BCR: variants seen among roughly 807,000 people sequenced by gnomAD.
The protein encoded by BCR is breakpoint cluster region protein.
A neutral mutation model predicts 138.6 loss-of-function variants in BCR; 58 were observed. That is an observed-to-expected ratio of 0.42 (90% confidence interval 0.34 to 0.52). The LOEUF is 0.52. Ranked by LOEUF, BCR falls within the 20% of genes least tolerant of loss-of-function variation. The pLI is 0.06. For synonymous variants in BCR, 786 were observed against 730.1 expected (o/e 1.08, Z -1.23); for missense variants, 1,599 against 1,727.2 (o/e 0.93, Z 1.32).
intron 16 of BCR, among the ~76,000 whole-genome samples, chr22:23,295,797 G>A (rs1220388942): frequency 6.6e-6 from 1 of 152,082 alleles, no homozygotes; most frequent in African/African-American, 2.4e-5. Flanking sequence ...ACGCCACCAG[G>A]GTTTCCTGGA....
chr22:23,253,979 C>T lies in BCR; in HGVS notation c.1460C>T (p.Ala487Val), dbSNP rs758892323. 72 of 1,610,484 alleles carry T rather than the reference C, an allele frequency of 4.5e-5. No homozygotes were observed. The highest frequency in any genetic ancestry group is 7.7e-5 in the South Asian group (7 of 90,758). The change falls in exon 2 of 23, where the codon GCG (alanine) becomes GTG (valine). Residue 487 changes from alanine (A) to valine (V), a missense_variant and splice_region_variant. Physicochemically the swap from Ala to Val is moderately conservative, Grantham distance 64. Transcript: ENST00000305877. ...TCGGGAGCCCTGGAGTCCACTAAAG[C>T]GGTGAGTCCCCATGGTGTACGTGTG... Reference protein sequence around the residue: ...LVSGALESTKASELDLEKGLE... With the variant: ...LVSGALESTKVSELDLEKGLE...
intron 1 of BCR, among the ~76,000 whole-genome samples, chr22:23,189,497 T>C (rs1354463798): frequency 6.6e-6 from 1 of 151,856 alleles, no homozygotes. Context: ...TTTTCTTTTT[T>C]TTCTTTCTTT....
At chr22:23,262,917 A>T (rs1354722105) in intron 4 of BCR, 49 of 1,104,854 alleles carry the variant, frequency 4.4e-5, no homozygotes, top group Non-Finnish European at 5.2e-5. Flanking sequence ...GACACGCCCA[A>T]GAGAGGAAGC....
chr22:23,205,748 A>G (rs1262559550), intron 1 of BCR, among the ~76,000 whole-genome samples: 1 of 152,036 alleles, frequency 6.6e-6, no homozygotes, highest in African/African-American at 2.4e-5. Flanking sequence ...GAGAGGCAAA[A>G]TCGATGCTAC....
chr22:23,248,069 C>T (rs1022675853), intron 1 of BCR, among the ~76,000 whole-genome samples: 4 of 152,138 alleles, frequency 2.6e-5, no homozygotes, highest in Non-Finnish European at 4.4e-5. Context: ...AGAGGCTGGG[C>T]GCAGTGGCTC....
chr22:23,317,045 C>T lies in BCR; in HGVS notation c.*1523C>T, dbSNP rs1602141694. The T allele has an allele frequency of 3.0e-5, 5 of 167,554 alleles. No individual in the cohort carries two copies. The East Asian group carries it at 5.2e-4, about 17-fold the overall frequency. The allele number at this position is 167,554 out of a possible 1,614,324, so 10.4% of individuals were successfully genotyped here. On this transcript the variant is annotated 3_prime_UTR_variant, in exon 23 of 23. Transcript: ENST00000305877. ...ACATTTAAGGAAGTGTGTGGGGTCC[C>T]TGGATGACACCAGCACCCAGTGCGG...
At chr22:23,252,290 A>G (rs1488366618) in intron 1 of BCR, among the ~76,000 whole-genome samples, 5 of 152,020 alleles carry the variant, frequency 3.3e-5, no homozygotes, top group African/African-American at 1.2e-4. Context: ...GGTGGACAGA[A>G]CTTGCACCCC....
chr22:23,224,307 G>C (rs1226109607), intron 1 of BCR, among the ~76,000 whole-genome samples: 1 of 152,212 alleles, frequency 6.6e-6, no homozygotes, highest in African/African-American at 2.4e-5. Context: ...CCGAGGTCCA[G>C]GTGGTGGTGA....
intron 8 of BCR, among the ~76,000 whole-genome samples, chr22:23,275,758 G>A (rs776713683): frequency 2.5e-4 from 38 of 152,124 alleles, no homozygotes; most frequent in Non-Finnish European, 4.6e-4. Flanking sequence ...TGCCAGGTTC[G>A]CCCTACCCTC....
At chr22:23,297,330 C>G (rs796214366) in intron 16 of BCR, among the ~76,000 whole-genome samples, 5 of 151,660 alleles carry the variant, frequency 3.3e-5, no homozygotes, top group African/African-American at 1.2e-4. Flanking sequence ...ATTCTCCTGC[C>G]TCAGCCTCCC....
At chr22:23,219,507 G>GC (rs2072797950) in intron 1 of BCR, among the ~76,000 whole-genome samples, 1 of 152,144 alleles carries the variant, frequency 6.6e-6, no homozygotes, top group South Asian at 2.1e-4. Context: ...CTATTGCATG[G>GC]CCAGATTCAT....
chr22:23,276,174 C>T (rs2073573831), intron 8 of BCR, among the ~76,000 whole-genome samples: 1 of 152,006 alleles, frequency 6.6e-6, no homozygotes, highest in South Asian at 2.1e-4. Flanking sequence ...CCGAGGCAGG[C>T]GGATCACCAG....
intron 1 of BCR, among the ~76,000 whole-genome samples, chr22:23,223,000 C>T (rs894443164): frequency 2.0e-5 from 3 of 152,150 alleles, no homozygotes; most frequent in Non-Finnish European, 4.4e-5. Context: ...ATGGCATCTT[C>T]CTGCTGTTTT....
intron 19 of BCR, chr22:23,312,451 CT>C (rs1405239646): frequency 5.6e-6 from 1 of 178,192 alleles, no homozygotes; most frequent in Non-Finnish European, 1.2e-5. Context: ...CAGAATGAAC[CT>C]GGCCTGTGGT....
chr22:23,204,429 T>A (rs1188955021), intron 1 of BCR, among the ~76,000 whole-genome samples: 1 of 139,980 alleles, frequency 7.1e-6, no homozygotes, highest in Non-Finnish European at 1.5e-5. Context: ...TTGCTCTGAG[T>A]TCCCAGAAAA....
rs185899354 is a variant in BCR, at chr22:23,219,886, G to A, written c.1280-33913G>A. ...TTCCCTCCTCCGGCCGCTCTCAGCC[G>A]CTCCTTCATGCCTCCTTCCTGGGCT... On this transcript the variant is annotated intron_variant, in intron 1 of 22. Coordinates refer to ENST00000305877, the MANE Select transcript of BCR (RefSeq NM_004327.4). Among the ~76,000 whole-genome samples, 12 of 136,398 alleles carry A rather than the reference G, an allele frequency of 8.8e-5. No individual in the cohort carries two copies. The Admixed American group carries it at 8.9e-4, about 10-fold the overall frequency. 89.5% of individuals were successfully genotyped at this position (136,398 alleles called of 152,430 possible).
chr22:23,199,861 C>A (rs1282037987), intron 1 of BCR, among the ~76,000 whole-genome samples: 2 of 152,022 alleles, frequency 1.3e-5, no homozygotes, highest in Non-Finnish European at 2.9e-5. Context: ...GAGGCCAAGG[C>A]GGGCAGATCA....
At chr22:23,269,240 T>G (rs2073481395) in intron 5 of BCR, among the ~76,000 whole-genome samples, 1 of 152,240 alleles carries the variant, frequency 6.6e-6, no homozygotes, top group African/African-American at 2.4e-5. Context: ...TGGGGTTCTT[T>G]CTGCCCTTCT....
intron 1 of BCR, among the ~76,000 whole-genome samples, chr22:23,200,589 ACT>A (rs2072541746): frequency 6.6e-6 from 1 of 151,328 alleles, no homozygotes. Flanking sequence ...ACAAGGTCTC[ACT>A]CTGTCGCCCA....
Sources: gnomAD v4.1 joint callset for allele counts (sites outside exome capture counted in the v4.1 genomes callset) on GRCh38, gnomAD v4.1.1 for gene constraint, MANE v1.5 for transcripts, NCBI Gene and HGNC (gene_info 2026-07-23, HGNC 2026-07-21) for gene names.